Variants in DYNC2I1 observed in about 807,000 individuals in gnomAD.
The protein encoded by DYNC2I1 is dynein 2 intermediate chain 1, also known as cytoplasmic dynein 2 intermediate chain 1.
DYNC2I1 carries 89 observed loss-of-function variants against 133.4 expected under a neutral mutation model. That is an observed-to-expected ratio of 0.67 (90% CI 0.56 to 0.80). The LOEUF (loss-of-function observed/expected upper bound fraction) is 0.80. Ranked by LOEUF, DYNC2I1 falls within the 30% of genes least tolerant of loss-of-function variation. The pLI is 0.00. For synonymous variants in DYNC2I1, 504 were observed against 484.3 expected (o/e 1.04, Z -0.54); for missense variants, 1,291 against 1,314.5 (o/e 0.98, Z 0.28).
At chr7:158,873,001 C>A (rs1353392809) in intron 3 of DYNC2I1, among the ~76,000 whole-genome samples, 1 of 151,144 alleles carries the variant, frequency 6.6e-6, no homozygotes, top group East Asian at 1.9e-4. Flanking sequence ...AAAAAAAAAA[C>A]CCAAAAAACA....
rs1276399862 is a variant in DYNC2I1 at position 158,934,485 on chromosome 7, A to G, written c.2714A>G (p.His905Arg). Reference protein sequence around the residue: ...VAPKLFKPQQHGIRPVKVNVI... With the variant: ...VAPKLFKPQQRGIRPVKVNVI... ...CCCAAACTATTCAAACCTCAGCAAC[A>G]TGGTATAAGACCAGTGAAAGTTAAT... The change falls in exon 23 of 25, where the codon CAT becomes CGT. Residue 905 changes from histidine to arginine, a missense_variant. His to Arg is a conservative substitution (Grantham distance 29). Coordinates refer to ENST00000407559, the MANE Select transcript of DYNC2I1 (RefSeq NM_018051.5). The G allele has an allele frequency of 6.3e-7, 1 of 1,580,644 alleles. No homozygotes were observed. The highest frequency in any genetic ancestry group is 1.8e-5 in the Admixed American group (1 of 54,538).
rs183306195 is a variant in DYNC2I1 at position 158,912,308 on chromosome 7, C to T, written c.1590+629C>T. Reference sequence around the variant, plus strand: ...AGGTTCTAAAGATTTTGAAGTCAGACGTCTTATCTAACATTTTTCTTACAT... The same window carrying T: ...AGGTTCTAAAGATTTTGAAGTCAGATGTCTTATCTAACATTTTTCTTACAT... On this transcript the variant is annotated intron_variant, in intron 12 of 24. Transcript: ENST00000407559. 2.3e-3 allele frequency among the ~76,000 whole-genome samples: 353 copies of T among 152,254 alleles called. 6 individuals are homozygous for T. The highest frequency in any genetic ancestry group is 0.02 in the Admixed American group (307 of 15,286).
chr7:158,894,466 G>A (rs889119732), intron 8 of DYNC2I1, among the ~76,000 whole-genome samples: 1 of 152,150 alleles, frequency 6.6e-6, no homozygotes, highest in Non-Finnish European at 1.5e-5. Context: ...TTCCAGATTG[G>A]CTTCTTTCAT....
chr7:158,848,872 G>A, the DYNC2I1 span, among the ~76,000 whole-genome samples: 2 of 151,272 alleles, frequency 1.3e-5, no homozygotes, highest in South Asian at 4.2e-4. Context: ...GCAGTAAGCT[G>A]AGATTGCGCC....
chr7:158,905,134 C>CTTTTTGTTTTTTTTTTTTTTTTT, intron 10 of DYNC2I1: 1 of 313,844 alleles, frequency 3.2e-6, no homozygotes, highest in South Asian at 2.5e-5. Flanking sequence ...TCTTGTCTTT[C>CTTTTTGTTTTTTTTTTTTTTTTT]TTTTTCTTTT....
At chr7:158,895,202 G>A (rs923037622) in intron 8 of DYNC2I1, among the ~76,000 whole-genome samples, 4 of 152,224 alleles carry the variant, frequency 2.6e-5, no homozygotes, top group East Asian at 3.9e-4. Flanking sequence ...TTTTGGTGTT[G>A]TATCTAAAAA....
chr7:158,884,613 G>A lies in DYNC2I1; in HGVS notation c.929G>A (p.Ser310Asn), dbSNP rs759167555. 4.3e-6 allele frequency: 7 copies of A among 1,612,910 alleles called. No homozygotes were observed. The highest frequency in any genetic ancestry group is 5.9e-6 in the Non-Finnish European group (7 of 1,179,522). The change falls in exon 6 of 25, where the codon AGC (serine) becomes AAC (asparagine). Residue 310 changes from serine (S) to asparagine (N), a missense_variant. Transcript: ENST00000407559. ...GCAAGCTCAAAAAGAGATGGGACCA[G>A]CAGCCAGTAAGGATTGCATGCCCTG... ...RGASSKRDGTSSQHAENLVRN... is the reference protein window; with the variant it reads ...RGASSKRDGTNSQHAENLVRN...
intron 8 of DYNC2I1, among the ~76,000 whole-genome samples, chr7:158,901,329 C>T (rs978925530): frequency 1.3e-5 from 2 of 152,146 alleles, no homozygotes; most frequent in Non-Finnish European, 2.9e-5. Flanking sequence ...GCCTTGACCT[C>T]CCAAAGTGCT....
chr7:158,895,685 T>G (rs1414077332), intron 8 of DYNC2I1, among the ~76,000 whole-genome samples: 1 of 152,212 alleles, frequency 6.6e-6, no homozygotes, highest in Non-Finnish European at 1.5e-5. Context: ...CTGAAATTTC[T>G]ATTGCGATTG....
intron 6 of DYNC2I1, 106 bp downstream of exon 6, chr7:158,884,725 G>A: frequency 9.0e-7 from 1 of 1,105,796 alleles, no homozygotes. Flanking sequence ...ATGGCAATCA[G>A]TTATAGATAT....
At chr7:158,912,960 AT>A in intron 12 of DYNC2I1, 24 bp from the exon 13 acceptor site, 1 of 1,545,836 alleles carries the variant, frequency 6.5e-7, no homozygotes, top group Middle Eastern at 1.7e-4. Flanking sequence ...ACCAATGTTA[AT>A]TTTGGCATAT....
chr7:158,948,970 C>T (rs986243232), downstream of DYNC2I1, among the ~76,000 whole-genome samples: 1 of 152,166 alleles, frequency 6.6e-6, no homozygotes, highest in African/African-American at 2.4e-5. Flanking sequence ...AGGAAGGTTC[C>T]GCTAATCTCG....
chr7:158,897,591 C>G (rs1845874876), intron 8 of DYNC2I1, among the ~76,000 whole-genome samples: 1 of 152,144 alleles, frequency 6.6e-6, no homozygotes, highest in South Asian at 2.1e-4. Flanking sequence ...GTGATGTCCT[C>G]TTTTACCTTT....
intron 1 of DYNC2I1, among the ~76,000 whole-genome samples, chr7:158,863,977 G>A (rs1054500626): frequency 7.0e-6 from 1 of 142,424 alleles, no homozygotes; most frequent in Non-Finnish European, 1.5e-5. Context: ...GGTGTTGCGG[G>A]GAGCAGGACG....
Position 158,901,754 on chromosome 7 carries a change from G to A in DYNC2I1, c.1075G>A (p.Glu359Lys), listed in dbSNP as rs770306000. The change falls in exon 9 of 25, where the codon GAA becomes AAA. Residue 359 changes from glutamate (E) to lysine (K), a missense_variant. Coordinates refer to ENST00000407559, the MANE Select transcript of DYNC2I1 (RefSeq NM_018051.5). Reference protein sequence around the residue: ...GEETVEIEKEETDLENARADA... With the variant: ...GEETVEIEKEKTDLENARADA... ...TTACCTCTAGGAAATTGAAAAGGAA[G>A]AAACTGATTTAGAAAATGCTAGAGC... 263 of 1,577,900 alleles carry A rather than the reference G, an allele frequency of 1.7e-4. No homozygotes were observed. The highest frequency in any genetic ancestry group is 2.2e-4 in the Non-Finnish European group (250 of 1,162,192).
At chr7:158,897,776 C>T (rs73529732) in intron 8 of DYNC2I1, among the ~76,000 whole-genome samples, 6,242 of 151,776 alleles carry the variant, frequency 0.041, 349 homozygotes, top group East Asian at 0.13. Flanking sequence ...TTTCTTTTTT[C>T]TGCTTACTTC....
chr7:158,883,657 T>C, intron 5 of DYNC2I1, among the ~76,000 whole-genome samples: 2 of 139,138 alleles, frequency 1.4e-5, no homozygotes, highest in South Asian at 4.6e-4. Flanking sequence ...ACCAGTGACT[T>C]CTTTTTTTTT....
intron 1 of DYNC2I1, among the ~76,000 whole-genome samples, chr7:158,862,783 T>C (rs557574743): frequency 1.1e-4 from 17 of 152,014 alleles, no homozygotes; most frequent in Admixed American, 6.6e-4. Context: ...AGATGGTGTG[T>C]CCGGAGTTTG....
Position 158,911,620 on chromosome 7 carries a change from C to T in DYNC2I1, c.1531C>T (p.Pro511Ser). 1.2e-6 allele frequency: 2 copies of T among 1,613,354 alleles called. No homozygotes were observed. Among genetic ancestry groups the T allele is most frequent in the South Asian group, 1.1e-5 (1 of 90,966 alleles). ...ATTTACTTTCTCTCTCTTGGATCTA[C>T]CACCAGTAAATGAATATGACATGTA... ...FSFTFSLLDL[P>S]PVNEYDMYIR... Residue 511 changes from proline (P) to serine (S), a missense_variant, in exon 12 of 25, where the codon CCA (proline) becomes TCA (serine). Pro to Ser is a moderately conservative substitution (Grantham distance 74). Coordinates refer to ENST00000407559, the MANE Select transcript of DYNC2I1 (RefSeq NM_018051.5).
Sources: gnomAD v4.1 joint callset for allele counts (sites outside exome capture counted in the v4.1 genomes callset) on GRCh38, gnomAD v4.1.1 for gene constraint, MANE v1.5 for transcripts, NCBI Gene and HGNC (gene_info 2026-07-23, HGNC 2026-07-21) for gene names.